DCC: variants seen among roughly 807,000 people sequenced by gnomAD.
The protein encoded by DCC is netrin receptor DCC.
Under a neutral mutation model 172.5 loss-of-function variants are expected in DCC, and 58 were observed. That is an observed-to-expected ratio of 0.34 (90% CI 0.27 to 0.42). The LOEUF (loss-of-function observed/expected upper bound fraction) is 0.42, where lower values mean the gene tolerates loss of function less well. DCC is among the 10% of genes least tolerant of loss of function. The pLI, the probability that DCC is intolerant of heterozygous loss-of-function variation, is 1.00. For synonymous variants in DCC, 709 were observed against 644.5 expected (o/e 1.10, Z -1.52); for missense variants, 1,740 against 1,791.0 (o/e 0.97, Z 0.51).
chr18:53,173,741 C>T (rs1173998956), intron 8 of DCC, among the ~76,000 whole-genome samples: 1 of 147,444 alleles, frequency 6.8e-6, no homozygotes, highest in African/African-American at 2.6e-5. Flanking sequence ...GAGACTTTAA[C>T]ACCCCACTGT....
At chr18:52,872,687 AGAACCC>A (rs1297613845) in intron 2 of DCC, among the ~76,000 whole-genome samples, 1 of 152,224 alleles carries the variant, frequency 6.6e-6, no homozygotes, top group Non-Finnish European at 1.5e-5. Context: ...TGATAAAGTA[AGAACCC>A]TCAATGCAAA....
intron 5 of DCC, among the ~76,000 whole-genome samples, chr18:52,971,854 T>C (rs945075360): frequency 6.6e-6 from 1 of 152,124 alleles, no homozygotes; most frequent in African/African-American, 2.4e-5. Context: ...TCTTTTCTTA[T>C]CCCTGGATCT....
At chr18:52,397,456 T>C (rs1348878067) in intron 1 of DCC, among the ~76,000 whole-genome samples, 2 of 152,038 alleles carry the variant, frequency 1.3e-5, no homozygotes, top group Non-Finnish European at 2.9e-5. Flanking sequence ...TCCACCCTCA[T>C]TGTGGGGAAT....
At chr18:52,860,337 T>G (rs1334816508) in intron 2 of DCC, among the ~76,000 whole-genome samples, 1 of 152,202 alleles carries the variant, frequency 6.6e-6, no homozygotes, top group Admixed American at 6.5e-5. Context: ...TTGTGTAGCT[T>G]CAGTGTGCAG....
At chr18:53,218,395 C>T (rs1235543979) in intron 12 of DCC, among the ~76,000 whole-genome samples, 1 of 151,948 alleles carries the variant, frequency 6.6e-6, no homozygotes, top group Non-Finnish European at 1.5e-5. Flanking sequence ...TTTTGGTCAC[C>T]CGTAAGCCAG....
intron 1 of DCC, among the ~76,000 whole-genome samples, chr18:52,443,383 G>C (rs988518700): frequency 1.3e-5 from 2 of 152,162 alleles, no homozygotes; most frequent in Non-Finnish European, 2.9e-5. Context: ...CTATTGAAGA[G>C]AGACAAGCAT....
intron 15 of DCC, among the ~76,000 whole-genome samples, chr18:53,379,487 T>C (rs1907556814): frequency 6.6e-6 from 1 of 152,180 alleles, no homozygotes; most frequent in South Asian, 2.1e-4. Flanking sequence ...TGTCTACAGG[T>C]TTCTTGATTC....
intron 1 of DCC, among the ~76,000 whole-genome samples, chr18:52,445,042 G>C (rs1001344234): frequency 6.6e-5 from 10 of 152,170 alleles, no homozygotes; most frequent in African/African-American, 2.4e-4. Flanking sequence ...ACAGTCTAGT[G>C]GGGGTGGGAC....
chr18:53,305,774 G>T, intron 13 of DCC, 55 bp downstream of exon 13: 2 of 1,565,272 alleles, frequency 1.3e-6, no homozygotes, highest in African/African-American at 1.3e-5. Flanking sequence ...AATGCTTTAG[G>T]AATAAAATAT....
intron 9 of DCC, among the ~76,000 whole-genome samples, chr18:53,197,816 G>T (rs565654138): frequency 6.6e-6 from 1 of 152,026 alleles, no homozygotes; most frequent in Admixed American, 6.6e-5. Context: ...GGGAAGACAG[G>T]AAGGCAGATG....
At chr18:53,465,985 C>T (rs1005187668) in intron 24 of DCC, among the ~76,000 whole-genome samples, 3 of 152,058 alleles carry the variant, frequency 2.0e-5, no homozygotes, top group Admixed American at 6.6e-5. Flanking sequence ...AGGATGGTCT[C>T]GATCTCCTGA....
Position 53,397,465 on chromosome 18 carries a change from ACTTT to A in DCC, c.2827+20_2827+23del. 6.2e-7 allele frequency: 1 copy of A among 1,613,746 alleles called. No homozygotes were observed. Among genetic ancestry groups the A allele is most frequent in the Non-Finnish European group, 8.5e-7 (1 of 1,179,796 alleles). ...GAAGCAGGTATGTGAGGAAATGTCT[ACTTT>A]GGACCCTTGATAATGGTGTTTCCCA... is the stretch of plus-strand genomic sequence containing the variant. On this transcript the variant is annotated intron_variant, in intron 18 of 28. Coordinates refer to ENST00000442544, the MANE Select transcript of DCC (RefSeq NM_005215.4).
At chr18:52,718,953 C>A (rs867564595) in intron 1 of DCC, among the ~76,000 whole-genome samples, 3 of 152,254 alleles carry the variant, frequency 2.0e-5, no homozygotes, top group Admixed American at 2.0e-4. Flanking sequence ...GCTGTGGAGA[C>A]CTCAAGTGTG....
At chr18:53,289,433 G>A (rs1181451739) in intron 12 of DCC, among the ~76,000 whole-genome samples, 1 of 152,082 alleles carries the variant, frequency 6.6e-6, no homozygotes, top group Non-Finnish European at 1.5e-5. Context: ...GGGGACTATA[G>A]TATGGTGTGT....
At chr18:52,978,434 A>G (rs1272083667) in intron 5 of DCC, among the ~76,000 whole-genome samples, 2 of 152,204 alleles carry the variant, frequency 1.3e-5, no homozygotes, top group African/African-American at 2.4e-5. Context: ...GGCAGCATCA[A>G]ACTGCATAGA....
At chr18:52,537,928 C>G (rs2032334156) in intron 1 of DCC, among the ~76,000 whole-genome samples, 1 of 152,140 alleles carries the variant, frequency 6.6e-6, no homozygotes. Context: ...TCTGCCCTTC[C>G]CTGCAGGATT....
At chr18:52,928,520 G>A (rs2040254120) in intron 5 of DCC, among the ~76,000 whole-genome samples, 1 of 152,150 alleles carries the variant, frequency 6.6e-6, no homozygotes, top group Non-Finnish European at 1.5e-5. Flanking sequence ...GTGTACACAT[G>A]TATGTAAAAC....
chr18:52,458,305 G>A (rs1490637526), intron 1 of DCC, among the ~76,000 whole-genome samples: 1 of 152,054 alleles, frequency 6.6e-6, no homozygotes, highest in Non-Finnish European at 1.5e-5. Flanking sequence ...CCTTCTGATT[G>A]AGCCAGGGTC....
chr18:53,169,666 G>T (rs1210275024), intron 8 of DCC, among the ~76,000 whole-genome samples: 1 of 152,102 alleles, frequency 6.6e-6, no homozygotes, highest in Non-Finnish European at 1.5e-5. Flanking sequence ...CAGATTCACA[G>T]GAGAGAACAT....
Sources: allele counts gnomAD v4.1 joint callset (sites outside exome capture counted in the v4.1 genomes callset), GRCh38; gene constraint gnomAD v4.1.1; transcripts MANE v1.5; gene names NCBI Gene and HGNC (gene_info 2026-07-23, HGNC 2026-07-21).